The following PTPRN2 variants were observed in gnomAD, a reference collection of about 807,000 sequenced individuals.
The protein encoded by PTPRN2 is protein tyrosine phosphatase receptor type N2.
A neutral mutation model predicts 118.8 loss-of-function variants in PTPRN2; 74 were observed. That is an observed-to-expected ratio of 0.62 (90% CI 0.52 to 0.76). PTPRN2 has a LOEUF of 0.76. Among genes scored for constraint, PTPRN2 ranks in the 30% least tolerant of loss-of-function variants. The pLI, the probability that PTPRN2 is intolerant of heterozygous loss-of-function variation, is 0.00. For synonymous variants in PTPRN2, 641 were observed against 608.0 expected, an observed-to-expected ratio of 1.05 and a Z score of -0.80; for missense variants, 1,481 against 1,394.4, an observed-to-expected ratio of 1.06 and a Z score of -0.99.
intron 12 of PTPRN2, among the ~76,000 whole-genome samples, chr7:157,756,125 C>T (rs976864183): frequency 1.3e-5 from 2 of 152,084 alleles, no homozygotes; most frequent in African/African-American, 4.8e-5. Context: ...GCCAGAAAGA[C>T]CAGACTTCTT....
intron 12 of PTPRN2, among the ~76,000 whole-genome samples, chr7:157,734,797 C>G (rs187161061): frequency 6.6e-6 from 1 of 152,334 alleles, no homozygotes; most frequent in East Asian, 1.9e-4. Context: ...CAGTCCCACC[C>G]GTGTCATGGA....
chr7:157,716,014 C>T (rs922147444), intron 12 of PTPRN2, among the ~76,000 whole-genome samples: 1 of 152,238 alleles, frequency 6.6e-6, no homozygotes, highest in Admixed American at 6.5e-5. Flanking sequence ...ACAGCCACTG[C>T]CCCAAAACTA....
Position 157,719,296 on chromosome 7 carries a change from C to G in PTPRN2, c.1789-36359G>C, listed in dbSNP as rs76091576. ...TGTGCCTGACTCACGTCTCCATTCTCGACCCATTAAAGGGGGAGCGGAGAT... is the reference window on the plus strand; with the variant it reads ...TGTGCCTGACTCACGTCTCCATTCTGGACCCATTAAAGGGGGAGCGGAGAT... On this transcript the variant is annotated intron_variant, in intron 12 of 22. Coordinates refer to ENST00000389418, the MANE Select transcript of PTPRN2 (RefSeq NM_002847.5). Among the ~76,000 whole-genome samples, 24 of 152,338 alleles carry G rather than the reference C, an allele frequency of 1.6e-4. 1 individual carries two copies. The East Asian group carries it at 4.4e-3, about 28-fold the overall frequency.
At chr7:158,149,251 G>C (rs11767654) in intron 6 of PTPRN2, among the ~76,000 whole-genome samples, 3 of 152,000 alleles carry the variant, frequency 2.0e-5, no homozygotes, top group East Asian at 1.9e-4. Flanking sequence ...TTATAGTACA[G>C]GGAACCCAAT....
intron 12 of PTPRN2, among the ~76,000 whole-genome samples, chr7:157,862,200 C>A (rs746082851): frequency 6.6e-6 from 1 of 152,260 alleles, no homozygotes; most frequent in Admixed American, 6.5e-5. Context: ...ACGGTGCCTC[C>A]TTCACCAAGC....
At chr7:157,826,784 G>C (rs1807202274) in intron 12 of PTPRN2, among the ~76,000 whole-genome samples, 1 of 152,160 alleles carries the variant, frequency 6.6e-6, no homozygotes. Context: ...GCATCCCAGA[G>C]GGTGGGCAGA....
In PTPRN2 at chr7:157,914,540, T is replaced by TA. The variant is rs369508371; in HGVS notation, c.1724-15804dup. On this transcript the variant is annotated intron_variant, in intron 11 of 22. Coordinates refer to ENST00000389418, the MANE Select transcript of PTPRN2 (RefSeq NM_002847.5). Reference sequence around the variant, plus strand: ...TGTGTAAGATGATCCTCGATGGTGATAGAGTGTGCCTCTTCCCCGGCAATG... The same window carrying TA: ...TGTGTAAGATGATCCTCGATGGTGATAAGAGTGTGCCTCTTCCCCGGCAATG... Among the ~76,000 whole-genome samples the TA allele has an allele frequency of 1.6e-3, 245 of 152,280 alleles. 1 individual carries two copies. The highest frequency in any genetic ancestry group is 5.4e-3 in the African/African-American group (226 of 41,552).
At chr7:158,080,439 TACGGA>T (rs1322835671) in intron 11 of PTPRN2, among the ~76,000 whole-genome samples, 7 of 151,520 alleles carry the variant, frequency 4.6e-5, no homozygotes, top group Admixed American at 3.3e-4. Flanking sequence ...TTATCAATGA[TACGGA>T]ACGGGAGCAC....
chr7:157,819,162 G>T (rs573862540), intron 12 of PTPRN2, among the ~76,000 whole-genome samples: 87 of 152,282 alleles, frequency 5.7e-4, no homozygotes, highest in African/African-American at 2.0e-3. Flanking sequence ...AGGGTGGCCT[G>T]GGCAGCCCCC....
Position 157,609,667 on chromosome 7 carries a change from C to G in PTPRN2, c.2345-5592G>C, listed in dbSNP as rs551432500. ...GATCCTGGGTAAACTGTTCAGTGTT[C>G]GGAGAATGCAGGATGATAACATACA... On this transcript the variant is annotated intron_variant, in intron 15 of 22. Transcript: ENST00000389418. The surrounding 1 kb of genome is among the most constrained non-coding windows in gnomAD (Gnocchi z 4.9). 6.6e-6 allele frequency among the ~76,000 whole-genome samples: 1 copy of G among 152,094 alleles called. No homozygotes were observed. The highest frequency in any genetic ancestry group is 2.4e-5 in the African/African-American group (1 of 41,402).
At chr7:158,248,428 C>G (rs1398828133) in intron 3 of PTPRN2, among the ~76,000 whole-genome samples, 1 of 152,182 alleles carries the variant, frequency 6.6e-6, no homozygotes, top group Non-Finnish European at 1.5e-5. Flanking sequence ...GGCCAGGAAG[C>G]TTGTTTCTCA....
At chr7:158,040,298 C>A (rs187392752) in intron 11 of PTPRN2, among the ~76,000 whole-genome samples, 10 of 152,216 alleles carry the variant, frequency 6.6e-5, no homozygotes, top group Non-Finnish European at 1.5e-4. Flanking sequence ...ATACAACACA[C>A]ACAAATTCAC....
chr7:158,526,229 C>T lies in PTPRN2; in HGVS notation c.113-36444G>A, dbSNP rs1280769013. Among the ~76,000 whole-genome samples, 1 of 152,154 alleles carries T rather than the reference C, an allele frequency of 6.6e-6. No homozygotes were observed. The highest frequency in any genetic ancestry group is 2.4e-5 in the African/African-American group (1 of 41,446). On this transcript the variant is annotated intron_variant, in intron 1 of 22. Transcript: ENST00000389418. The surrounding 1 kb of genome is among the most constrained non-coding windows in gnomAD (Gnocchi z 5.2). ...TCCAGGGCAGGATTCACTTGTGTGG[C>T]GAAGGGGTCACCCCTCGTGCAGGCT...
At chr7:158,009,116 G>A (rs1352922146) in intron 11 of PTPRN2, among the ~76,000 whole-genome samples, 1 of 152,012 alleles carries the variant, frequency 6.6e-6, no homozygotes, top group Non-Finnish European at 1.5e-5. Flanking sequence ...GCCCCAGGAG[G>A]CCCCACCTGG....
At chr7:158,318,457 C>T (rs1802531100) in intron 2 of PTPRN2, among the ~76,000 whole-genome samples, 1 of 152,192 alleles carries the variant, frequency 6.6e-6, no homozygotes, top group Non-Finnish European at 1.5e-5. Context: ...AGGACCAAGG[C>T]CTGGGGCCCC....
intron 3 of PTPRN2, among the ~76,000 whole-genome samples, chr7:158,293,159 G>A (rs907987441): frequency 6.6e-6 from 1 of 152,208 alleles, no homozygotes; most frequent in African/African-American, 2.4e-5. Context: ...ATCAGTGAGG[G>A]TGGGGTGGGT....
At position 157,853,938 on chromosome 7, in the gene PTPRN2, C is replaced by T. The variant is rs1257730689; in HGVS notation, c.1788+44735G>A. ...CGGAGATGCGGACACGGGGCAGCCA[C>T]AGGGAACACCGCGTGAAGACGGAGA... On this transcript the variant is annotated intron_variant, in intron 12 of 22. Coordinates refer to ENST00000389418, the MANE Select transcript of PTPRN2 (RefSeq NM_002847.5). Among the ~76,000 whole-genome samples the T allele has an allele frequency of 2.0e-5, 3 of 152,184 alleles. No individual in the cohort carries two copies. In the East Asian group the frequency reaches 5.8e-4, roughly 29 times the overall value.
intron 3 of PTPRN2, among the ~76,000 whole-genome samples, chr7:158,228,126 GT>G (rs1182858680): frequency 6.6e-6 from 1 of 152,182 alleles, no homozygotes; most frequent in African/African-American, 2.4e-5. Flanking sequence ...TACAAAGACA[GT>G]TTAGAAACCA....
rs1264824776 is a variant in PTPRN2, at chr7:157,840,475, CGTGTGACT to C, written c.1788+58190_1788+58197del. Among the ~76,000 whole-genome samples the C allele has an allele frequency of 1.5e-3, 224 of 146,746 alleles. 1 individual carries two copies. The highest frequency in any genetic ancestry group is 5.2e-3 in the African/African-American group (208 of 39,678). ...GTGACCGCGTGTGACTGTGTGGCCA[CGTGTGACT>C]GTGTGACTGTGTGACTGTGTGGAGT... On this transcript the variant is annotated intron_variant, in intron 12 of 22. Transcript: ENST00000389418.
Sources: allele counts gnomAD v4.1 joint callset (sites outside exome capture counted in the v4.1 genomes callset), GRCh38; gene constraint gnomAD v4.1.1; non-coding constraint Gnocchi (gnomAD v3.1); transcripts MANE v1.5; gene names NCBI Gene and HGNC (gene_info 2026-07-23, HGNC 2026-07-21).